Variants in PPP3CB observed in about 807,000 individuals in gnomAD.
PPP3CB encodes the protein protein phosphatase 3 catalytic subunit beta.
Under a neutral mutation model 66.4 loss-of-function variants are expected in PPP3CB, and 8 were observed. That is an observed-to-expected ratio of 0.12 (90% CI 0.07 to 0.22). The LOEUF is 0.22. Among genes scored for constraint, PPP3CB ranks in the 10% least tolerant of loss-of-function variants. The pLI is 1.00. For synonymous variants in PPP3CB, 208 were observed against 221.2 expected (o/e 0.94, Z 0.53); for missense variants, 319 against 642.5 (o/e 0.50, Z 5.44).
At chr10:73,444,930 T>C (rs1407923754) in intron 11 of PPP3CB, 108 bp from the exon 12 acceptor site, 2 of 1,087,136 alleles carry the variant, frequency 1.8e-6, no homozygotes, top group Non-Finnish European at 1.3e-6. Flanking sequence ...TGACATTCAT[T>C]GCTATTACCA....
chr10:73,444,411 G>T (rs1042046217), intron 12 of PPP3CB: 17 of 655,736 alleles, frequency 2.6e-5, no homozygotes, highest in Non-Finnish European at 3.8e-5. Context: ...GCTTTTAAAA[G>T]AAAAGGGTGA....
chr10:73,460,981 C>T (rs1322656565), intron 9 of PPP3CB, among the ~76,000 whole-genome samples: 1 of 152,204 alleles, frequency 6.6e-6, no homozygotes, highest in African/African-American at 2.4e-5. Context: ...ACACAGACTC[C>T]CCACTGAGGC....
intron 10 of PPP3CB, among the ~76,000 whole-genome samples, chr10:73,447,893 C>CA (rs781343549): frequency 0.016 from 2,066 of 128,376 alleles, 16 homozygotes; most frequent in Admixed American, 0.025. Context: ...TTTAAAATAC[C>CA]AAAAAAAAAA....
chr10:73,478,698 T>C, intron 2 of PPP3CB, 75 bp from the exon 3 acceptor site: 5 of 1,319,182 alleles, frequency 3.8e-6, no homozygotes, highest in Non-Finnish European at 5.3e-6. Context: ...AAAACGTATT[T>C]TACATAAGAC....
At chr10:73,450,336 G>A (rs565956581) in intron 10 of PPP3CB, among the ~76,000 whole-genome samples, 1 of 152,300 alleles carries the variant, frequency 6.6e-6, no homozygotes, top group East Asian at 1.9e-4. Context: ...AAGGAAAGGA[G>A]AAAAGATGGA....
At chr10:73,453,036 A>T (rs1035473801) in intron 10 of PPP3CB, among the ~76,000 whole-genome samples, 2 of 152,256 alleles carry the variant, frequency 1.3e-5, no homozygotes, top group African/African-American at 4.8e-5. Flanking sequence ...TTTTCTTCTT[A>T]GCATCATTAG....
chr10:73,469,479 T>A (rs1422131431), intron 8 of PPP3CB, among the ~76,000 whole-genome samples: 1 of 152,132 alleles, frequency 6.6e-6, no homozygotes, highest in Non-Finnish European at 1.5e-5. Flanking sequence ...GATGCAGATG[T>A]AGCAGTCGGC....
chr10:73,490,168 A>G (rs1216661262), intron 1 of PPP3CB, among the ~76,000 whole-genome samples: 2 of 152,132 alleles, frequency 1.3e-5, no homozygotes, highest in Non-Finnish European at 2.9e-5. Context: ...CCAATCCTCT[A>G]TTTTAATCCT....
intron 12 of PPP3CB, 134 bp from the exon 13 acceptor site, chr10:73,440,035 A>C: frequency 1.1e-6 from 1 of 918,118 alleles, no homozygotes; most frequent in Non-Finnish European, 1.7e-6. Context: ...AATTTAACAT[A>C]AATAGTACCC....
At chr10:73,493,850 T>C (rs1589724911) in intron 1 of PPP3CB, among the ~76,000 whole-genome samples, 1 of 152,202 alleles carries the variant, frequency 6.6e-6, no homozygotes, top group Non-Finnish European at 1.5e-5. Context: ...TATGACTGCC[T>C]TGGACTCACA....
chr10:73,478,644 G>C, intron 2 of PPP3CB, 21 bp from the exon 3 acceptor site: 1 of 1,595,148 alleles, frequency 6.3e-7, no homozygotes, highest in Non-Finnish European at 8.5e-7. Flanking sequence ...AAGATTATTA[G>C]ATAAGGGAAA....
intron 10 of PPP3CB, among the ~76,000 whole-genome samples, chr10:73,448,026 T>G (rs954463117): frequency 1.3e-5 from 2 of 152,148 alleles, no homozygotes; most frequent in African/African-American, 4.8e-5. Flanking sequence ...CTGAGGTTAT[T>G]AAGTGACTTG....
chr10:73,467,882 T>C lies in PPP3CB; in HGVS notation c.983-204A>G, dbSNP rs529212497. On this transcript the variant is annotated intron_variant, in intron 8 of 13. Transcript: ENST00000360663. The stretch of plus-strand genomic sequence containing the variant: ...TTTTTAACACTGTTATGTAGAACTA[T>C]AACTATAGTCAGGTCTTCACATTAC... 3.3e-5 allele frequency among the ~76,000 whole-genome samples: 5 copies of C among 152,308 alleles called. No individual in the cohort carries two copies. In the South Asian group the frequency reaches 8.3e-4, roughly 25 times the overall value.
At chr10:73,457,440 T>G (rs111388313) in intron 9 of PPP3CB, among the ~76,000 whole-genome samples, 7,443 of 151,830 alleles carry the variant, frequency 0.049, 563 homozygotes, top group African/African-American at 0.16. Flanking sequence ...TAAAGGACAT[T>G]ATCAAGAAAG....
chr10:73,491,969 AAAAT>A (rs141837688), intron 1 of PPP3CB, among the ~76,000 whole-genome samples: 7,418 of 151,262 alleles, frequency 0.049, 558 homozygotes, highest in African/African-American at 0.16. Context: ...CTCCATCTCA[AAAAT>A]AAATAAATAA....
Position 73,438,263 on chromosome 10 carries a change from C to T in PPP3CB, c.1554G>A (p.Thr518=), listed in dbSNP as rs746068335. The T allele has an allele frequency of 5.0e-6, 8 of 1,613,760 alleles. No individual in the cohort carries two copies. Among genetic ancestry groups the T allele is most frequent in the Admixed American group, 1.7e-5 (1 of 59,976 alleles). Reference sequence around the variant, plus strand: ...TGGGTCACTGGGCAGTATGGTTGCCCGTCCCGTGGTTCTCAGTGGCATGTG... The same window carrying T: ...TGGGTCACTGGGCAGTATGGTTGCCTGTCCCGTGGTTCTCAGTGGCATGTG... ...NTAHATENHG[T]GNHTAQ The change falls in exon 14 of 14, where the codon ACG becomes ACA. Residue 518 remains threonine, a synonymous_variant. Coordinates refer to ENST00000360663, the MANE Select transcript of PPP3CB (RefSeq NM_021132.4).
At chr10:73,479,199 G>C in intron 2 of PPP3CB, 118 bp downstream of exon 2, 1 of 946,306 alleles carries the variant, frequency 1.1e-6, no homozygotes, top group Non-Finnish European at 1.6e-6. Context: ...TGAAATTCAA[G>C]ATAATGTCCA....
intron 8 of PPP3CB, among the ~76,000 whole-genome samples, chr10:73,468,694 T>C (rs564074945): frequency 6.3e-4 from 96 of 152,328 alleles, no homozygotes; most frequent in African/African-American, 2.2e-3. Flanking sequence ...TTGTGGCTAA[T>C]AGAGAATCAA....
chr10:73,471,348 T>A (rs2056698893), intron 5 of PPP3CB, 120 bp downstream of exon 5: 2 of 1,350,204 alleles, frequency 1.5e-6, no homozygotes, highest in Admixed American at 2.4e-5. Flanking sequence ...CCTTAAGATA[T>A]CAGTATACTA....
Sources: allele counts gnomAD v4.1 joint callset (sites outside exome capture counted in the v4.1 genomes callset), GRCh38; gene constraint gnomAD v4.1.1; transcripts MANE v1.5; gene names NCBI Gene and HGNC (gene_info 2026-07-23, HGNC 2026-07-21).